Variants in ZC3H7A observed in about 807,000 individuals in gnomAD.
ZC3H7A encodes the protein zinc finger CCCH domain-containing protein 7A.
Under a neutral mutation model 125.5 loss-of-function variants are expected in ZC3H7A, and 44 were observed. The ratio of observed to expected loss-of-function variants is 0.35; its 90% CI spans 0.28 to 0.45. ZC3H7A has a LOEUF of 0.45. Among genes scored for constraint, ZC3H7A ranks in the 20% least tolerant of loss-of-function variants. The pLI is 1.00. For synonymous variants in ZC3H7A, 399 were observed against 391.2 expected, an observed-to-expected ratio of 1.02 and a Z score of -0.23; for missense variants, 977 against 1,170.7, an observed-to-expected ratio of 0.83 and a Z score of 2.41.
At chr16:11,790,524 GTGT>G (rs1463560336) in intron 1 of ZC3H7A, among the ~76,000 whole-genome samples, 2 of 152,192 alleles carry the variant, frequency 1.3e-5, no homozygotes, top group Non-Finnish European at 2.9e-5. Flanking sequence ...GACAGCAAAG[GTGT>G]TGTTGTCGTC....
At chr16:11,779,837 C>T (rs1271064732) in intron 3 of ZC3H7A, among the ~76,000 whole-genome samples, 1 of 151,068 alleles carries the variant, frequency 6.6e-6, no homozygotes, top group African/African-American at 2.4e-5. Context: ...TAAAATCTAC[C>T]AATTTCTAGG....
rs948253587 is a variant in ZC3H7A, at chr16:11,784,771, T to C, written c.-34-2383A>G. 3.3e-5 allele frequency among the ~76,000 whole-genome samples: 5 copies of C among 150,996 alleles called. No homozygotes were observed. The East Asian group carries it at 9.7e-4, about 29-fold the overall frequency. On this transcript the variant is annotated intron_variant, in intron 1 of 22. Transcript: ENST00000355758. The stretch of plus-strand genomic sequence containing the variant: ...TGGGAGGCTGAGGCAGGAGAATCAC[T>C]TGAACCTGGGAGGCGGAGGTTGCAG...
At chr16:11,781,551 A>G in intron 2 of ZC3H7A, 87 bp from the exon 3 acceptor site, 1 of 1,396,962 alleles carries the variant, frequency 7.2e-7, no homozygotes, top group African/African-American at 1.4e-5. Flanking sequence ...CTGTGGTTCC[A>G]TTAGCTTGCC....
intron 1 of ZC3H7A, among the ~76,000 whole-genome samples, chr16:11,795,604 T>C (rs1381986193): frequency 6.6e-6 from 1 of 151,520 alleles, no homozygotes; most frequent in Non-Finnish European, 1.5e-5. Flanking sequence ...CCTGGCTGAT[T>C]TTTGTATTTT....
intron 4 of ZC3H7A, among the ~76,000 whole-genome samples, chr16:11,777,802 C>T (rs1317361236): frequency 6.6e-6 from 1 of 151,710 alleles, no homozygotes; most frequent in Admixed American, 6.6e-5. Flanking sequence ...GGCAGATCAC[C>T]TGAGGTCAGG....
At chr16:11,794,428 A>G (rs2053400859) in intron 1 of ZC3H7A, among the ~76,000 whole-genome samples, 1 of 152,234 alleles carries the variant, frequency 6.6e-6, no homozygotes, top group Admixed American at 6.5e-5. Context: ...TTCTGGATTA[A>G]TACTTTAATA....
At position 11,752,852 on chromosome 16, in the gene ZC3H7A, C is replaced by T. The variant is rs1567369651; in HGVS notation, c.2563-20G>A. On this transcript the variant is annotated intron_variant, in intron 21 of 22. Transcript: ENST00000355758. Reference sequence around the variant, plus strand: ...GTCCACCTAATGTGCAGCAAAGACACATGTCCCATTAGTCACCTGATGTGA... The same window carrying T: ...GTCCACCTAATGTGCAGCAAAGACATATGTCCCATTAGTCACCTGATGTGA... 3 of 1,607,226 alleles carry T rather than the reference C, an allele frequency of 1.9e-6. No individual in the cohort carries two copies. The highest frequency in any genetic ancestry group is 1.7e-5 in the Admixed American group (1 of 58,668).
chr16:11,792,057 G>A (rs2053364047), intron 1 of ZC3H7A, among the ~76,000 whole-genome samples: 1 of 152,070 alleles, frequency 6.6e-6, no homozygotes, highest in Non-Finnish European at 1.5e-5. Flanking sequence ...ACAAGCACAT[G>A]CCACTATACC....
At chr16:11,792,770 G>C (rs368954683) in intron 1 of ZC3H7A, among the ~76,000 whole-genome samples, 88 of 152,330 alleles carry the variant, frequency 5.8e-4, no homozygotes, top group African/African-American at 2.0e-3. Flanking sequence ...CCAAGCCTGA[G>C]AGCCTATCCA....
Position 11,769,069 on chromosome 16 carries a change from C to G in ZC3H7A, c.1135G>C (p.Gly379Arg), listed in dbSNP as rs2052920942. ...GAATTACTGTTGTTAAGCGGTGTTCCCTCTCTAGAAGTTGAGGTGGACAGA... is the reference window on the plus strand; with the variant it reads ...GAATTACTGTTGTTAAGCGGTGTTCGCTCTCTAGAAGTTGAGGTGGACAGA... ...RDLSTSTSRE[G>R]TPLNNSNSSL... Residue 379 changes from glycine (G) to arginine (R), a missense_variant, in exon 11 of 23, where the codon GGA becomes CGA. By Grantham distance (125) the Gly-to-Arg change is moderately radical. This residue lies in a region of ZC3H7A where 342 missense variants were observed against 311.3 expected (regional missense o/e 1.10). Transcript: ENST00000355758. The G allele has an allele frequency of 1.2e-6, 2 of 1,609,464 alleles. No homozygotes were observed. Among genetic ancestry groups the G allele is most frequent in the African/African-American group, 1.3e-5 (1 of 74,604 alleles).
Position 11,776,956 on chromosome 16 carries a change from T to C in ZC3H7A, c.307-47A>G, listed in dbSNP as rs368111640. The C allele has an allele frequency of 1.7e-5, 25 of 1,467,752 alleles. No individual in the cohort carries two copies. In the African/African-American group the frequency reaches 3.0e-4, roughly 18 times the overall value. 90.9% of individuals were successfully genotyped at this position (1,467,752 alleles called of 1,614,324 possible). A position where few individuals can be genotyped will look rare whatever the true frequency, so the allele number is the denominator to read the frequency against. ...TAAAGTCAGCAATCAAACAATTCAT[T>C]TCTTGCACTGAGGCCTTCCTGTAAT... On this transcript the variant is annotated intron_variant, in intron 4 of 22. Coordinates refer to ENST00000355758, the MANE Select transcript of ZC3H7A (RefSeq NM_014153.4).
intron 21 of ZC3H7A, among the ~76,000 whole-genome samples, chr16:11,755,077 CAG>C: frequency 6.6e-6 from 1 of 150,578 alleles, no homozygotes; most frequent in Non-Finnish European, 1.5e-5. Flanking sequence ...GGCGTGGTGG[CAG>C]GCGCCTATAA....
In ZC3H7A at chr16:11,762,063, C is replaced by T. The variant is rs562069110; in HGVS notation, c.2080-20G>A. The T allele has an allele frequency of 9.4e-5, 146 of 1,554,356 alleles. No homozygotes were observed. The Admixed American group carries it at 1.5e-3, about 16-fold the overall frequency. On this transcript the variant is annotated intron_variant, in intron 17 of 22. Coordinates refer to ENST00000355758, the MANE Select transcript of ZC3H7A (RefSeq NM_014153.4). Reference sequence around the variant, plus strand: ...AAGTACCTTAAACAATTAAAAGATTCGTTTTAATTTTTTTAACAGAAAACC... The same window carrying T: ...AAGTACCTTAAACAATTAAAAGATTTGTTTTAATTTTTTTAACAGAAAACC...
intron 9 of ZC3H7A, among the ~76,000 whole-genome samples, chr16:11,772,371 C>A (rs1007244106): frequency 4.0e-5 from 6 of 151,582 alleles, no homozygotes; most frequent in African/African-American, 1.5e-4. Context: ...TCCCCAGGCC[C>A]CATCAAAGCT....
chr16:11,768,383 G>A lies in ZC3H7A; in HGVS notation c.1292C>T (p.Thr431Ile). The A allele has an allele frequency of 6.3e-7, 1 of 1,598,460 alleles. No homozygotes were observed. The highest frequency in any genetic ancestry group is 8.5e-7 in the Non-Finnish European group (1 of 1,169,914). The change falls in exon 12 of 23, where the codon ACT becomes ATT. Residue 431 changes from threonine (T) to isoleucine (I), a missense_variant. By Grantham distance (89) the Thr-to-Ile change is moderately conservative. This residue lies in a region of ZC3H7A where 342 missense variants were observed against 311.3 expected (regional missense o/e 1.10). Transcript: ENST00000355758. ...SAVTKPSSSV[T>I]PRHPLEGTHE... ...GGTTCCTTCGAGGGGATGTCTTGGA[G>A]TCACTGATGAAGATGGTTTGGTAAC...
At chr16:11,793,554 AG>A (rs2053386322) in intron 1 of ZC3H7A, among the ~76,000 whole-genome samples, 1 of 151,704 alleles carries the variant, frequency 6.6e-6, no homozygotes, top group Non-Finnish European at 1.5e-5. Flanking sequence ...GGTGGGGGGG[AG>A]GAAAAATGAT....
chr16:11,769,563 T>G (rs1323185548), intron 10 of ZC3H7A, among the ~76,000 whole-genome samples: 1 of 150,782 alleles, frequency 6.6e-6, no homozygotes, highest in African/African-American at 2.4e-5. Context: ...CAAAAAAAAT[T>G]TGCCAGGTGT....
At chr16:11,761,653 T>G (rs2052754989) in intron 18 of ZC3H7A, 142 bp from the exon 19 acceptor site, 1 of 902,168 alleles carries the variant, frequency 1.1e-6, no homozygotes, top group Non-Finnish European at 1.7e-6. Context: ...TGATTCTGTA[T>G]TTTCACTTCC....
At chr16:11,774,026 A>G (rs1403018089) in intron 9 of ZC3H7A, among the ~76,000 whole-genome samples, 1 of 152,184 alleles carries the variant, frequency 6.6e-6, no homozygotes, top group Non-Finnish European at 1.5e-5. Flanking sequence ...TTGGAAAAAA[A>G]TTGGCTAATT....
Sources: allele counts gnomAD v4.1 joint callset (sites outside exome capture counted in the v4.1 genomes callset), GRCh38; gene constraint gnomAD v4.1.1; regional missense constraint gnomAD v4.1.1; transcripts MANE v1.5; gene names NCBI Gene and HGNC (gene_info 2026-07-23, HGNC 2026-07-21).